The following ABLIM1 variants were observed in gnomAD, a reference collection of about 807,000 sequenced individuals.
ABLIM1 encodes actin-binding LIM protein 1.
ABLIM1 carries 40 observed loss-of-function variants against 107.0 expected under a neutral mutation model. That is an observed-to-expected ratio of 0.37 (90% CI 0.29 to 0.49). ABLIM1 has a LOEUF of 0.49. Among genes scored for constraint, ABLIM1 ranks in the 20% least tolerant of loss-of-function variants. ABLIM1 has a pLI of 0.97. For missense variants in ABLIM1, 857 were observed against 1,008.5 expected (o/e 0.85, Z 2.04); for synonymous variants, 357 against 357.3 (o/e 1.00, Z 0.01).
chr10:114,523,924 T>C (rs1369633749), intron 6 of ABLIM1, among the ~76,000 whole-genome samples: 1 of 152,044 alleles, frequency 6.6e-6, no homozygotes, highest in East Asian at 1.9e-4. Context: ...GGGGAGAGGG[T>C]GAATTTTAAT....
chr10:114,795,909 G>A, the ABLIM1 span, among the ~76,000 whole-genome samples: 1 of 151,930 alleles, frequency 6.6e-6, no homozygotes, highest in East Asian at 1.9e-4. Flanking sequence ...GAGAAAGCAT[G>A]TCCTTGTTTT....
intron 1 of ABLIM1, among the ~76,000 whole-genome samples, chr10:114,735,753 C>T (rs1417172907): frequency 1.3e-5 from 2 of 152,218 alleles, no homozygotes; most frequent in Non-Finnish European, 2.9e-5. Context: ...CAGGCGTGAG[C>T]CACCATGCCC....
At chr10:114,789,868 T>C in the ABLIM1 span, among the ~76,000 whole-genome samples, 12 of 151,748 alleles carry the variant, frequency 7.9e-5, no homozygotes, top group Non-Finnish European at 1.6e-4. Flanking sequence ...TCTCAGCTCA[T>C]TGCAACCTTC....
intron 1 of ABLIM1, among the ~76,000 whole-genome samples, chr10:114,731,027 T>A (rs1232922194): frequency 6.6e-6 from 1 of 152,222 alleles, no homozygotes; most frequent in African/African-American, 2.4e-5. Flanking sequence ...TATACCATTG[T>A]ACGGATACAC....
At chr10:114,667,947 T>G (rs2080093757) in intron 1 of ABLIM1, among the ~76,000 whole-genome samples, 1 of 152,182 alleles carries the variant, frequency 6.6e-6, no homozygotes, top group Non-Finnish European at 1.5e-5. Context: ...CATGAGATTT[T>G]GGAAATGAGA....
At chr10:114,481,420 C>A (rs1269177825) in intron 8 of ABLIM1, among the ~76,000 whole-genome samples, 1 of 151,070 alleles carries the variant, frequency 6.6e-6, no homozygotes, top group East Asian at 1.9e-4. Flanking sequence ...ACTGATGGGA[C>A]AACTACTGAT....
At chr10:114,794,662 C>T in the ABLIM1 span, among the ~76,000 whole-genome samples, 1 of 152,154 alleles carries the variant, frequency 6.6e-6, no homozygotes, top group Non-Finnish European at 1.5e-5. Context: ...AAACTACATA[C>T]TAATCACTAA....
At chr10:114,661,445 G>A (rs2079792721), upstream of ABLIM1, among the ~76,000 whole-genome samples, 1 of 152,150 alleles carries the variant, frequency 6.6e-6, no homozygotes, top group Non-Finnish European at 1.5e-5. Context: ...CAAGCCTCCA[G>A]TCTTAAAAAT....
intron 6 of ABLIM1, among the ~76,000 whole-genome samples, chr10:114,538,408 C>T (rs762818500): frequency 2.6e-5 from 4 of 152,110 alleles, no homozygotes; most frequent in African/African-American, 9.7e-5. Flanking sequence ...AGGGTGGCCT[C>T]GTAGGGCAGA....
chr10:114,670,755 G>T (rs542655388), intron 1 of ABLIM1, among the ~76,000 whole-genome samples: 3 of 152,216 alleles, frequency 2.0e-5, no homozygotes, highest in Non-Finnish European at 4.4e-5. Context: ...AGTCAATCTC[G>T]AAGTGTTGGG....
chr10:114,492,370 G>GT (rs2059127455), intron 6 of ABLIM1, among the ~76,000 whole-genome samples: 1 of 152,184 alleles, frequency 6.6e-6, no homozygotes, highest in Non-Finnish European at 1.5e-5. Flanking sequence ...ATCATCCACT[G>GT]TTTTTATCTC....
At chr10:114,727,880 G>T (rs1038543303) in intron 1 of ABLIM1, among the ~76,000 whole-genome samples, 3 of 152,092 alleles carry the variant, frequency 2.0e-5, no homozygotes, top group African/African-American at 7.2e-5. Flanking sequence ...CCATGATCAT[G>T]CCACATTGCA....
intron 1 of ABLIM1, among the ~76,000 whole-genome samples, chr10:114,683,311 G>A (rs1203461435): frequency 2.0e-5 from 3 of 152,184 alleles, no homozygotes; most frequent in African/African-American, 2.4e-5. Flanking sequence ...AGGTCAGTGA[G>A]GAATAGGAAA....
intron 1 of ABLIM1, among the ~76,000 whole-genome samples, chr10:114,681,018 A>C (rs568207177): frequency 1.1e-4 from 17 of 152,312 alleles, no homozygotes; most frequent in Non-Finnish European, 2.2e-4. Flanking sequence ...TATTACAGTG[A>C]CAGTCACTCT....
chr10:114,453,280 C>G, intron 13 of ABLIM1, 99 bp downstream of exon 13: 1 of 1,311,708 alleles, frequency 7.6e-7, no homozygotes, highest in Non-Finnish European at 1.1e-6. Flanking sequence ...AACTGTGCAT[C>G]CCAATTAAAA....
chr10:114,636,161 AG>A (rs1208049896), intron 1 of ABLIM1, among the ~76,000 whole-genome samples: 1 of 152,204 alleles, frequency 6.6e-6, no homozygotes, highest in African/African-American at 2.4e-5. Context: ...AGGGGCTTCC[AG>A]GAAGAGTAAG....
At chr10:114,450,127 C>G in intron 14 of ABLIM1, 1 of 399,048 alleles carries the variant, frequency 2.5e-6, no homozygotes, top group Non-Finnish European at 5.1e-6. Flanking sequence ...AGGATGACTT[C>G]AAACAGTACT....
At chr10:114,542,381 G>A in intron 6 of ABLIM1, among the ~76,000 whole-genome samples, 1 of 143,442 alleles carries the variant, frequency 7.0e-6, no homozygotes, top group Non-Finnish European at 1.5e-5. Flanking sequence ...CTGCACTCCA[G>A]CCTGGGCAAC....
At chr10:114,454,017 C>A (rs143765564) in intron 12 of ABLIM1, among the ~76,000 whole-genome samples, 6 of 152,240 alleles carry the variant, frequency 3.9e-5, no homozygotes, top group Non-Finnish European at 8.8e-5. Flanking sequence ...TCAATTGCAG[C>A]GTGTTTGCAT....
Sources: allele counts gnomAD v4.1 joint callset (sites outside exome capture counted in the v4.1 genomes callset), GRCh38; gene constraint gnomAD v4.1.1; transcripts MANE v1.5; gene names NCBI Gene and HGNC (gene_info 2026-07-23, HGNC 2026-07-21).